The following SEPTIN11 variants were observed in gnomAD, a reference collection of about 807,000 sequenced individuals.
SEPTIN11 encodes septin-11.
In SEPTIN11, 25 loss-of-function variants were observed where a neutral mutation model predicts 51.4. The ratio of observed to expected loss-of-function variants is 0.49; its 90% CI spans 0.35 to 0.68. The LOEUF is 0.68. Among genes scored for constraint, SEPTIN11 ranks in the 30% least tolerant of loss-of-function variants. The pLI is 0.00. For missense variants in SEPTIN11, 381 were observed against 520.8 expected, an observed-to-expected ratio of 0.73 and a Z score of 2.61; for synonymous variants, 174 against 184.1, an observed-to-expected ratio of 0.95 and a Z score of 0.44.
intron 8 of SEPTIN11, among the ~76,000 whole-genome samples, chr4:77,029,787 T>A (rs1726469388): frequency 6.6e-6 from 1 of 150,728 alleles, no homozygotes; most frequent in Non-Finnish European, 1.5e-5. Context: ...CACACATATA[T>A]ATACACACAC....
At chr4:76,960,341 A>C (rs1447566133) in intron 1 of SEPTIN11, among the ~76,000 whole-genome samples, 1 of 152,206 alleles carries the variant, frequency 6.6e-6, no homozygotes, top group Non-Finnish European at 1.5e-5. Flanking sequence ...TCTGAAGTTG[A>C]AGCACAGTTT....
chr4:77,011,879 A>G lies in SEPTIN11; in HGVS notation c.483A>G (p.Leu161=). Residue 161 remains leucine, a synonymous_variant, in exon 4 of 10, where the codon CTA becomes CTG. Coordinates refer to ENST00000264893, the MANE Select transcript of SEPTIN11 (RefSeq NM_018243.4). ...LYFIAPTGHS[L]KSLDLVTMKK... is the part of the protein sequence containing the mutation. ...TTATTGCCCCTACTGGACATTCACT[A>G]AAGTCCCTGGATCTGGTCACCATGA... The G allele has an allele frequency of 6.2e-7, 1 of 1,614,086 alleles. No homozygotes were observed. Among genetic ancestry groups the G allele is most frequent in the Non-Finnish European group, 8.5e-7 (1 of 1,179,972 alleles).
intron 5 of SEPTIN11, among the ~76,000 whole-genome samples, chr4:77,018,307 G>T (rs556149640): frequency 1.3e-4 from 20 of 152,160 alleles, no homozygotes; most frequent in African/African-American, 4.6e-4. Context: ...AAATTAGCTG[G>T]GCATGGTGGC....
chr4:76,964,666 C>CCAT (rs1159113743), intron 1 of SEPTIN11, among the ~76,000 whole-genome samples: 2 of 152,158 alleles, frequency 1.3e-5, no homozygotes, highest in Non-Finnish European at 2.9e-5. Flanking sequence ...TATTTCATCA[C>CCAT]CATCATCATC....
rs1725951776 is a variant in SEPTIN11, at chr4:77,024,353, G to A, written c.953+3683G>A. 6.6e-6 allele frequency among the ~76,000 whole-genome samples: 1 copy of A among 151,820 alleles called. No individual in the cohort carries two copies. The highest frequency in any genetic ancestry group is 1.5e-5 in the Non-Finnish European group (1 of 67,984). ...CTTTATCCGCCCCCTGTGCATGCCCGGCTGCTGCCCTGAAGCCTTGAAACT... is the reference window on the plus strand; with the variant it reads ...CTTTATCCGCCCCCTGTGCATGCCCAGCTGCTGCCCTGAAGCCTTGAAACT... On this transcript the variant is annotated intron_variant, in intron 7 of 9. Transcript: ENST00000264893. This position sits in a 1 kb window ranked among gnomAD's most constrained non-coding sequence, Gnocchi z 4.2.
In SEPTIN11 at chr4:77,037,694, T is replaced by G. The variant is rs1727133124; in HGVS notation, c.*3182T>G. The G allele has an allele frequency of 1.0e-6, 1 of 985,728 alleles. No individual in the cohort carries two copies. The highest frequency in any genetic ancestry group is 1.2e-6 in the Non-Finnish European group (1 of 829,928). The allele number at this position is 985,728 out of a possible 1,614,324, so 61.1% of individuals were successfully genotyped here. On this transcript the variant is annotated 3_prime_UTR_variant, in exon 10 of 10. Coordinates refer to ENST00000264893, the MANE Select transcript of SEPTIN11 (RefSeq NM_018243.4). Reference sequence around the variant, plus strand: ...ACCATCTTTTTGCTTCTTCTGAACTTTAGATCTCCATAACACATGTACTGT... The same window carrying G: ...ACCATCTTTTTGCTTCTTCTGAACTGTAGATCTCCATAACACATGTACTGT...
intron 9 of SEPTIN11, chr4:77,031,930 G>A (rs1194942913): frequency 6.6e-6 from 1 of 152,022 alleles, no homozygotes; most frequent in Non-Finnish European, 1.5e-5. Flanking sequence ...AAGGTTCTAG[G>A]GAAAAAGCTG....
At position 76,956,993 on chromosome 4, in the gene SEPTIN11, T is replaced by TGTGTGTGTGTGA. The variant is rs769320568; in HGVS notation, c.27+7064_27+7065insTGTGTGTGTGAG. On this transcript the variant is annotated intron_variant, in intron 1 of 9. Transcript: ENST00000264893. ...GTGTGTGTGTGTGTGTGTGTGTGTG[T>TGTGTGTGTGTGA]GAGAGAGAGAGAGACAGAGACAGAG... is the stretch of plus-strand genomic sequence containing the variant. 5.7e-3 allele frequency among the ~76,000 whole-genome samples: 560 copies of TGTGTGTGTGTGA among 98,574 alleles called. 2 individuals are homozygous for TGTGTGTGTGTGA. Among genetic ancestry groups the TGTGTGTGTGTGA allele is most frequent in the African/African-American group, 0.011 (344 of 30,564 alleles). 64.7% of individuals were successfully genotyped at this position (98,574 alleles called of 152,430 possible).
intron 1 of SEPTIN11, among the ~76,000 whole-genome samples, chr4:76,952,984 T>C (rs1721409604): frequency 6.6e-6 from 1 of 152,222 alleles, no homozygotes; most frequent in African/African-American, 2.4e-5. Context: ...GTTTAAAAAC[T>C]CTAGGAGTTG....
chr4:77,029,342 G>A (rs1726423222), intron 8 of SEPTIN11, among the ~76,000 whole-genome samples: 1 of 152,188 alleles, frequency 6.6e-6, no homozygotes, highest in South Asian at 2.1e-4. Flanking sequence ...TTGAGTGTGT[G>A]TGTGTGTGTG....
intron 1 of SEPTIN11, among the ~76,000 whole-genome samples, chr4:76,969,979 A>G (rs1027515939): frequency 2.6e-5 from 4 of 152,180 alleles, no homozygotes; most frequent in African/African-American, 9.7e-5. Flanking sequence ...TATTTCTGCA[A>G]AAATGCCCTT....
At chr4:77,032,457 A>G (rs893276023) in intron 9 of SEPTIN11, among the ~76,000 whole-genome samples, 12 of 152,224 alleles carry the variant, frequency 7.9e-5, no homozygotes, top group African/African-American at 2.9e-4. Flanking sequence ...TCCCATGCAG[A>G]GACTCAGATT....
At chr4:77,007,008 A>G (rs1220152349) in intron 3 of SEPTIN11, among the ~76,000 whole-genome samples, 1 of 152,204 alleles carries the variant, frequency 6.6e-6, no homozygotes, top group Non-Finnish European at 1.5e-5. Context: ...TTTATTTTGC[A>G]TACCAAAATG....
At chr4:76,965,283 T>C (rs573530289) in intron 1 of SEPTIN11, among the ~76,000 whole-genome samples, 5 of 151,960 alleles carry the variant, frequency 3.3e-5, no homozygotes, top group Non-Finnish European at 7.4e-5. Context: ...AAACCCCATC[T>C]CTACTAAAAA....
In SEPTIN11 at chr4:77,014,899, A is replaced by G. The variant is rs903013288; in HGVS notation, c.569A>G (p.Lys190Arg). 2 of 1,614,072 alleles carry G rather than the reference A, an allele frequency of 1.2e-6. No individual in the cohort carries two copies. The highest frequency in any genetic ancestry group is 1.7e-5 in the Admixed American group (1 of 60,006). The change falls in exon 5 of 10, where the codon AAG becomes AGG. Residue 190 changes from lysine to arginine, a missense_variant. This residue lies in a region of SEPTIN11 where 197 missense variants were observed against 313.1 expected (regional missense o/e 0.63). Transcript: ENST00000264893. ...ATTGCAAAAGCTGACACCATTGCCA[A>G]GAATGAACTGCACAAATTCAAGAGT... ...PIIAKADTIA[K>R]NELHKFKSKI...
At position 77,034,373 on chromosome 4, in the gene SEPTIN11, T is replaced by C. The variant is rs1038003814; in HGVS notation, c.1275-124T>C. 3 of 872,606 alleles carry C rather than the reference T, an allele frequency of 3.4e-6. No homozygotes were observed. In the Admixed American group the frequency reaches 1.2e-4, roughly 36 times the overall value. The allele number at this position is 872,606 out of a possible 1,614,324, so 54.1% of individuals were successfully genotyped here. A position where few individuals can be genotyped will look rare whatever the true frequency, so the allele number is the denominator to read the frequency against. On this transcript the variant is annotated intron_variant, in intron 9 of 9. Transcript: ENST00000264893. ...CTCAAATTTTTGGTTTTAATTTCTGTCAATTCCATAATCATTGCATGAGCA... is the reference window on the plus strand; with the variant it reads ...CTCAAATTTTTGGTTTTAATTTCTGCCAATTCCATAATCATTGCATGAGCA...
intron 5 of SEPTIN11, among the ~76,000 whole-genome samples, chr4:77,018,352 G>A (rs936495860): frequency 1.3e-4 from 20 of 152,070 alleles, no homozygotes; most frequent in African/African-American, 4.3e-4. Flanking sequence ...GGGACGCTGA[G>A]GCAGGAGAAT....
Position 77,020,659 on chromosome 4 carries a change from C to T in SEPTIN11, c.942C>T (p.Ser314=), listed in dbSNP as rs757147835. 1.2e-6 allele frequency: 2 copies of T among 1,613,992 alleles called. No individual in the cohort carries two copies. The highest frequency in any genetic ancestry group is 2.2e-5 in the South Asian group (2 of 91,062). ...GGTTCAAGGACACTGACCCTGACAG[C>T]AAACCCTTCAGGTATGAAGGCATCT... ...EMGFKDTDPD[S]KPFSLQETYE... Residue 314 remains serine, a synonymous_variant, in exon 7 of 10, where the codon AGC becomes AGT. Coordinates refer to ENST00000264893, the MANE Select transcript of SEPTIN11 (RefSeq NM_018243.4).
At chr4:77,016,644 A>G (rs1478438546) in intron 5 of SEPTIN11, among the ~76,000 whole-genome samples, 1 of 127,640 alleles carries the variant, frequency 7.8e-6, no homozygotes, top group East Asian at 2.2e-4. Flanking sequence ...ATATATATAT[A>G]TATATATATA....
Sources: allele counts gnomAD v4.1 joint callset (sites outside exome capture counted in the v4.1 genomes callset), GRCh38; gene constraint gnomAD v4.1.1; regional missense constraint gnomAD v4.1.1; non-coding constraint Gnocchi (gnomAD v3.1); transcripts MANE v1.5; gene names NCBI Gene and HGNC (gene_info 2026-07-23, HGNC 2026-07-21).